SCHIP1: variants seen among roughly 807,000 people sequenced by gnomAD.
The protein encoded by SCHIP1 is schwannomin-interacting protein 1.
In SCHIP1, 8 loss-of-function variants were observed where a neutral mutation model predicts 29.7. The observed-to-expected ratio is 0.27, with a 90% CI of 0.16 to 0.49. The LOEUF (loss-of-function observed/expected upper bound fraction) is 0.49. Ranked by LOEUF, SCHIP1 falls within the 20% of genes least tolerant of loss-of-function variation. The pLI is 0.99. For missense variants in SCHIP1, 193 were observed against 294.6 expected (o/e 0.66, Z 2.52); for synonymous variants, 76 against 94.9 (o/e 0.80, Z 1.16).
At chr3:159,652,010 C>T in the SCHIP1 span, among the ~76,000 whole-genome samples, 11 of 151,820 alleles carry the variant, frequency 7.2e-5, no homozygotes, top group Non-Finnish European at 1.6e-4. Context: ...GCGGGAGAAT[C>T]ATTTGAACCC....
chr3:159,823,173 G>A, the SCHIP1 span, among the ~76,000 whole-genome samples: 3 of 152,158 alleles, frequency 2.0e-5, no homozygotes, highest in Non-Finnish European at 4.4e-5. Flanking sequence ...AGTACCTTGA[G>A]GTGAAGCTTG....
At chr3:159,439,468 G>A in the SCHIP1 span, among the ~76,000 whole-genome samples, 12 of 152,094 alleles carry the variant, frequency 7.9e-5, no homozygotes, top group Non-Finnish European at 2.9e-5. Flanking sequence ...ACAGCATGGG[G>A]GAAACCACCC....
At chr3:159,702,921 T>A in the SCHIP1 span, among the ~76,000 whole-genome samples, 18 of 152,260 alleles carry the variant, frequency 1.2e-4, no homozygotes, top group Admixed American at 6.5e-5. Context: ...ACCTATCAGT[T>A]AAAAGGTCAA....
At chr3:159,769,575 C>A in the SCHIP1 span, among the ~76,000 whole-genome samples, 2 of 152,056 alleles carry the variant, frequency 1.3e-5, no homozygotes, top group South Asian at 2.1e-4. Context: ...CGTGGTGAAA[C>A]CCCATCTCTA....
chr3:159,626,143 TCTAG>T, the SCHIP1 span, among the ~76,000 whole-genome samples: 337 of 114,392 alleles, frequency 2.9e-3, 11 homozygotes, highest in African/African-American at 0.018. Flanking sequence ...GATAGATATA[TCTAG>T]ATATATATAT....
chr3:159,379,742 G>A, the SCHIP1 span, among the ~76,000 whole-genome samples: 2 of 152,016 alleles, frequency 1.3e-5, no homozygotes, highest in Non-Finnish European at 2.9e-5. Context: ...TCAACCACAT[G>A]ACAAAAAGAA....
At chr3:159,528,972 C>G in the SCHIP1 span, among the ~76,000 whole-genome samples, 1 of 152,138 alleles carries the variant, frequency 6.6e-6, no homozygotes, top group Non-Finnish European at 1.5e-5. Context: ...CAACTTGAGA[C>G]CAGCTACCTG....
At chr3:159,788,684 T>C in the SCHIP1 span, among the ~76,000 whole-genome samples, 2 of 152,178 alleles carry the variant, frequency 1.3e-5, no homozygotes, top group African/African-American at 2.4e-5. Flanking sequence ...AGAGCCTAAC[T>C]ACTACATACT....
At chr3:159,434,740 C>T in the SCHIP1 span, among the ~76,000 whole-genome samples, 1 of 152,070 alleles carries the variant, frequency 6.6e-6, no homozygotes, top group African/African-American at 2.4e-5. Context: ...AATTGAGTTT[C>T]TATTTTGTTT....
At chr3:159,631,216 T>A in the SCHIP1 span, among the ~76,000 whole-genome samples, 25 of 149,630 alleles carry the variant, frequency 1.7e-4, 1 homozygote, top group Admixed American at 1.3e-3. Flanking sequence ...TATGGAGATA[T>A]CAAAACCCTC....
chr3:159,505,669 T>G, the SCHIP1 span, among the ~76,000 whole-genome samples: 1 of 151,798 alleles, frequency 6.6e-6, no homozygotes, highest in Admixed American at 6.6e-5. Context: ...CCCCTTCCTG[T>G]GTCCAAGTGT....
chr3:159,768,007 C>A, the SCHIP1 span, among the ~76,000 whole-genome samples: 1 of 152,130 alleles, frequency 6.6e-6, no homozygotes, highest in Non-Finnish European at 1.5e-5. Context: ...ATGACAACAA[C>A]ACAACCCATA....
chr3:159,636,619 G>A, the SCHIP1 span, among the ~76,000 whole-genome samples: 2 of 152,326 alleles, frequency 1.3e-5, no homozygotes, highest in East Asian at 3.9e-4. Context: ...AAATGTAGAA[G>A]TGATAGGCAT....
At chr3:159,558,054 G>A in the SCHIP1 span, among the ~76,000 whole-genome samples, 1 of 152,194 alleles carries the variant, frequency 6.6e-6, no homozygotes, top group Non-Finnish European at 1.5e-5. Flanking sequence ...GCCTAAATGG[G>A]ATGCTCATTG....
At chr3:159,381,722 A>G in the SCHIP1 span, among the ~76,000 whole-genome samples, 1 of 152,094 alleles carries the variant, frequency 6.6e-6, no homozygotes, top group East Asian at 1.9e-4. Flanking sequence ...CAGCCTCCCA[A>G]GCAGCTGGGA....
the SCHIP1 span, among the ~76,000 whole-genome samples, chr3:159,275,692 T>TGTA: frequency 6.6e-6 from 1 of 152,168 alleles, no homozygotes; most frequent in Non-Finnish European, 1.5e-5. Context: ...TAAGCAGAAA[T>TGTA]TGTTGCTGTA....
the SCHIP1 span, among the ~76,000 whole-genome samples, chr3:159,633,894 T>G: frequency 2.0e-5 from 3 of 152,062 alleles, no homozygotes; most frequent in Non-Finnish European, 4.4e-5. Flanking sequence ...TTTGAAATAT[T>G]TGGAGTGGGG....
chr3:159,332,280 G>A, the SCHIP1 span, among the ~76,000 whole-genome samples: 1 of 152,134 alleles, frequency 6.6e-6, no homozygotes, highest in Non-Finnish European at 1.5e-5. Flanking sequence ...AATCCTTAAA[G>A]CAGTCCTATA....
At chr3:159,591,618 G>A in the SCHIP1 span, among the ~76,000 whole-genome samples, 166 of 152,138 alleles carry the variant, frequency 1.1e-3, 1 homozygote, top group South Asian at 0.014. Flanking sequence ...GTCCTTTTCC[G>A]GGACATGGAT....
Sources: allele counts gnomAD v4.1 joint callset (sites outside exome capture counted in the v4.1 genomes callset), GRCh38; gene constraint gnomAD v4.1.1; transcripts MANE v1.5; gene names NCBI Gene and HGNC (gene_info 2026-07-23, HGNC 2026-07-21).